SOCS6: variants seen among roughly 807,000 people sequenced by gnomAD.
SOCS6 encodes the protein STAT induced STAT inhibitor-4.
A neutral mutation model predicts 27.7 loss-of-function variants in SOCS6; 5 were observed. That is an observed-to-expected ratio of 0.18 (90% CI 0.09 to 0.38). The LOEUF is 0.38. Among genes scored for constraint, SOCS6 ranks in the 10% least tolerant of loss-of-function variants. The probability of loss-of-function intolerance (pLI) is 1.00; values close to 1 mark genes in which losing one functional copy is unlikely to be tolerated. For synonymous variants in SOCS6, 271 were observed against 260.0 expected (o/e 1.04, Z -0.41); for missense variants, 595 against 688.1 (o/e 0.86, Z 1.51).
At chr18:70,321,521 A>ATGGG (rs1910993313) in intron 1 of SOCS6, among the ~76,000 whole-genome samples, 1 of 134,530 alleles carries the variant, frequency 7.4e-6, no homozygotes, top group Non-Finnish European at 1.5e-5. Flanking sequence ...TTTAGTAGAG[A>ATGGG]TGGGGTTTCA....
chr18:70,301,665 G>A (rs1285758692), intron 1 of SOCS6, among the ~76,000 whole-genome samples: 1 of 151,142 alleles, frequency 6.6e-6, no homozygotes, highest in Non-Finnish European at 1.5e-5. Flanking sequence ...ATTTGGGAGT[G>A]TAGGGCACAT....
rs147863543 is a variant in SOCS6 at position 70,320,937 on chromosome 18, T to C, written c.-126-3606T>C. 4.2e-3 allele frequency among the ~76,000 whole-genome samples: 638 copies of C among 152,310 alleles called. 8 individuals carry two copies. The highest frequency in any genetic ancestry group is 0.014 in the African/African-American group (581 of 41,574). On this transcript the variant is annotated intron_variant, in intron 1 of 1. Transcript: ENST00000397942. Reference sequence around the variant, plus strand: ...TGATTTTTATTATCATTCATGAAAATGTTATTTATGTTAACATGTAATGAG... The same window carrying C: ...TGATTTTTATTATCATTCATGAAAACGTTATTTATGTTAACATGTAATGAG...
At chr18:70,324,410 G>A (rs753701079) in intron 1 of SOCS6, 133 bp from the exon 2 acceptor site, 20 of 303,048 alleles carry the variant, frequency 6.6e-5, no homozygotes, top group Non-Finnish European at 9.7e-5. Context: ...AAGAAAGCCC[G>A]GTCCTAACAG....
intron 1 of SOCS6, 94 bp downstream of exon 1, chr18:70,289,184 C>T (rs1332320500): frequency 6.6e-6 from 1 of 150,764 alleles, no homozygotes; most frequent in Non-Finnish European, 1.5e-5. Flanking sequence ...TGGTTTTCGC[C>T]TCGGAGTGCA....
chr18:70,321,312 G>GT (rs763120236), intron 1 of SOCS6, among the ~76,000 whole-genome samples: 4,254 of 68,572 alleles, frequency 0.062, 683 homozygotes, highest in Non-Finnish European at 0.072. Flanking sequence ...AATTTTCTCA[G>GT]TTTTTTTTTT....
chr18:70,325,426 TTCC>T lies in SOCS6; in HGVS notation c.764_766del (p.Pro255del), dbSNP rs779194499. 4 of 1,614,180 alleles carry T rather than the reference TTCC, an allele frequency of 2.5e-6. No individual in the cohort carries two copies. Among genetic ancestry groups the T allele is most frequent in the Non-Finnish European group, 3.4e-6 (4 of 1,180,034 alleles). On this transcript the variant is annotated inframe_deletion, in exon 2 of 2. Transcript: ENST00000397942. This position sits in a 1 kb window ranked among gnomAD's most constrained non-coding sequence, Gnocchi z 6.3. Reference sequence around the variant, plus strand: ...TCTTCTCCCATGGAAGTCTCTGCGGTTCCTCCTCAAGTGGGAGGGCGCGCTTTC... The same window carrying T: ...TCTTCTCCCATGGAAGTCTCTGCGGTTCCTCAAGTGGGAGGGCGCGCTTTC...
intron 1 of SOCS6, among the ~76,000 whole-genome samples, chr18:70,300,968 T>A (rs2062345830): frequency 6.6e-6 from 1 of 152,228 alleles, no homozygotes; most frequent in Non-Finnish European, 1.5e-5. Flanking sequence ...CTGAAAGAAG[T>A]CAAAGCAACT....
At chr18:70,302,209 A>T (rs183445675) in intron 1 of SOCS6, among the ~76,000 whole-genome samples, 43 of 152,044 alleles carry the variant, frequency 2.8e-4, no homozygotes, top group African/African-American at 8.9e-4. Context: ...GAGTAGATGG[A>T]AACATGGTGC....
chr18:70,326,035 A>T lies in SOCS6; in HGVS notation c.1367A>T (p.Asp456Val). Residue 456 changes from aspartate (D) to valine (V), a missense_variant, in exon 2 of 2, where the codon GAT becomes GTT. Coordinates refer to ENST00000397942, the MANE Select transcript of SOCS6 (RefSeq NM_004232.4). ...PDVEGHTSIV[D>V]LIEHSIRDSE... ...GTGGAAGGACATACGTCCATAGTTG[A>T]TCTAATTGAGCATTCAATCAGGGAC... The T allele has an allele frequency of 6.2e-7, 1 of 1,614,202 alleles. No homozygotes were observed. The highest frequency in any genetic ancestry group is 8.5e-7 in the Non-Finnish European group (1 of 1,180,028).
At chr18:70,316,256 T>G (rs913658890) in intron 1 of SOCS6, among the ~76,000 whole-genome samples, 6 of 152,168 alleles carry the variant, frequency 3.9e-5, no homozygotes, top group Non-Finnish European at 7.3e-5. Flanking sequence ...ATTAATTTTT[T>G]TTTGTTTGTC....
chr18:70,290,648 G>A (rs1467801021), intron 1 of SOCS6, among the ~76,000 whole-genome samples: 3 of 152,170 alleles, frequency 2.0e-5, no homozygotes, highest in Non-Finnish European at 4.4e-5. Flanking sequence ...AACCTGGTTC[G>A]TGGACAGTGG....
intron 1 of SOCS6, among the ~76,000 whole-genome samples, chr18:70,298,761 T>G (rs751027214): frequency 6.6e-6 from 1 of 152,186 alleles, no homozygotes; most frequent in Non-Finnish European, 1.5e-5. Context: ...CACACAGTGG[T>G]AAAGATAAAA....
chr18:70,323,754 G>A (rs1440890076), intron 1 of SOCS6, among the ~76,000 whole-genome samples: 2 of 152,208 alleles, frequency 1.3e-5, no homozygotes, highest in Non-Finnish European at 2.9e-5. Context: ...ACAAGCTTAA[G>A]TATTTAAAAT....
rs1353077948 is a variant in SOCS6 at position 70,289,961 on chromosome 18, C to T, written c.-127+871C>T. ...GGGATATGTGCAGTAGTGTGTGTGCCAACTTAACGTTCAGTTGGAATGTGA... is the reference window on the plus strand; with the variant it reads ...GGGATATGTGCAGTAGTGTGTGTGCTAACTTAACGTTCAGTTGGAATGTGA... On this transcript the variant is annotated intron_variant, in intron 1 of 1. Coordinates refer to ENST00000397942, the MANE Select transcript of SOCS6 (RefSeq NM_004232.4). 2.0e-5 allele frequency among the ~76,000 whole-genome samples: 3 copies of T among 152,154 alleles called. No homozygotes were observed. The East Asian group carries it at 5.8e-4, about 29-fold the overall frequency.
At chr18:70,300,485 T>C (rs796353181) in intron 1 of SOCS6, among the ~76,000 whole-genome samples, 3 of 152,212 alleles carry the variant, frequency 2.0e-5, no homozygotes, top group Non-Finnish European at 4.4e-5. Flanking sequence ...ATTGACGTTA[T>C]GAATATTTGT....
At chr18:70,323,385 C>T (rs1042207214) in intron 1 of SOCS6, among the ~76,000 whole-genome samples, 1 of 151,986 alleles carries the variant, frequency 6.6e-6, no homozygotes, top group African/African-American at 2.4e-5. Context: ...AAAGTCTTTA[C>T]AGAATTGAAA....
chr18:70,320,148 C>T (rs1182816795), intron 1 of SOCS6, among the ~76,000 whole-genome samples: 1 of 152,048 alleles, frequency 6.6e-6, no homozygotes, highest in Non-Finnish European at 1.5e-5. Flanking sequence ...GCCATAATGC[C>T]TGGCTAATGT....
rs1417677243 is a variant in SOCS6, at chr18:70,326,994, A to G, written c.*718A>G. 2.4e-5 allele frequency: 4 copies of G among 166,358 alleles called. No homozygotes were observed. The highest frequency in any genetic ancestry group is 4.8e-5 in the African/African-American group (2 of 41,468). The allele number at this position is 166,358 out of a possible 1,614,324, so 10.3% of individuals were successfully genotyped here. ...AAATGGCCTTACATTAAAAAATTGTAAAGAAATGTATACCACCAATTTAGA... is the reference window on the plus strand; with the variant it reads ...AAATGGCCTTACATTAAAAAATTGTGAAGAAATGTATACCACCAATTTAGA... On this transcript the variant is annotated 3_prime_UTR_variant, in exon 2 of 2. Coordinates refer to ENST00000397942, the MANE Select transcript of SOCS6 (RefSeq NM_004232.4).
In SOCS6 at chr18:70,326,933, G is replaced by A. The variant is rs1911231811; in HGVS notation, c.*657G>A. On this transcript the variant is annotated 3_prime_UTR_variant, in exon 2 of 2. Transcript: ENST00000397942. ...TTGTGAAAAGTTGAATTTTTCTGTT[G>A]CCTTCGTTTTCATCTTCTAGTTTGT... 1 of 166,690 alleles carries A rather than the reference G, an allele frequency of 6.0e-6. No individual in the cohort carries two copies. 10.3% of individuals were successfully genotyped at this position (166,690 alleles called of 1,614,324 possible). A position where few individuals can be genotyped will look rare whatever the true frequency, so the allele number is the denominator to read the frequency against.
Sources: allele counts gnomAD v4.1 joint callset (sites outside exome capture counted in the v4.1 genomes callset), GRCh38; gene constraint gnomAD v4.1.1; non-coding constraint Gnocchi (gnomAD v3.1); transcripts MANE v1.5; gene names NCBI Gene and HGNC (gene_info 2026-07-23, HGNC 2026-07-21).